Variants in CTNNAL1 observed in about 807,000 individuals in gnomAD.
The protein encoded by CTNNAL1 is catenin alpha like 1, also known as alpha-catulin.
CTNNAL1 carries 69 observed loss-of-function variants against 93.6 expected under a neutral mutation model. That is an observed-to-expected ratio of 0.74 (90% CI 0.61 to 0.90). The LOEUF (loss-of-function observed/expected upper bound fraction) is 0.90, where lower values mean the gene tolerates loss of function less well. Ranked by LOEUF, CTNNAL1 falls within the 40% of genes least tolerant of loss-of-function variation. The probability of loss-of-function intolerance (pLI) is 0.00; values close to 1 mark genes in which losing one functional copy is unlikely to be tolerated. For missense variants in CTNNAL1, 836 were observed against 862.0 expected (o/e 0.97, Z 0.38); for synonymous variants, 286 against 305.4 (o/e 0.94, Z 0.66).
chr9:108,972,851 G>T lies in CTNNAL1; in HGVS notation c.1189-18C>A, dbSNP rs1437350733. The T allele has an allele frequency of 2.9e-6, 4 of 1,380,064 alleles. No individual in the cohort carries two copies. Among genetic ancestry groups the T allele is most frequent in the Non-Finnish European group, 3.8e-6 (4 of 1,048,644 alleles). The allele number at this position is 1,380,064 out of a possible 1,614,324, so 85.5% of individuals were successfully genotyped here. The stretch of plus-strand genomic sequence containing the variant: ...CTATGAAGCTGCAGATGTGTGTGTG[G>T]GTGGGGGGGTGGGAGGGTGGAGAAG... On this transcript the variant is annotated intron_variant, in intron 8 of 18. Coordinates refer to ENST00000325551, the MANE Select transcript of CTNNAL1 (RefSeq NM_003798.4).
intron 1 of CTNNAL1, among the ~76,000 whole-genome samples, chr9:109,007,801 T>A (rs756161461): frequency 6.6e-6 from 1 of 152,212 alleles, no homozygotes; most frequent in Non-Finnish European, 1.5e-5. Flanking sequence ...CCATGTACTA[T>A]CTGGCTACTC....
At position 108,952,247 on chromosome 9, in the gene CTNNAL1, G is replaced by C; in HGVS notation, c.1797C>G (p.Asn599Lys). 4 of 1,613,774 alleles carry C rather than the reference G, an allele frequency of 2.5e-6. No homozygotes were observed. The South Asian group carries it at 4.4e-5, about 18-fold the overall frequency. The change falls in exon 14 of 19, where the codon AAC becomes AAG. Residue 599 changes from asparagine (N) to lysine (K), a missense_variant. Coordinates refer to ENST00000325551, the MANE Select transcript of CTNNAL1 (RefSeq NM_003798.4). ...ACAGAGAATAGGCCATACTGGACAT[G>C]TTCCGTCCATATTGAACAATCTCAT... ...QENEIVQYGR[N>K]MSSMAYSLYL...
At chr9:108,954,207 T>C (rs1412267539) in intron 12 of CTNNAL1, among the ~76,000 whole-genome samples, 1 of 152,146 alleles carries the variant, frequency 6.6e-6, no homozygotes, top group Non-Finnish European at 1.5e-5. Context: ...GTCAGATTCA[T>C]TCGTTTCAGT....
Position 108,990,757 on chromosome 9 carries a change from T to G in CTNNAL1, c.608A>C (p.Glu203Ala). 6.2e-7 allele frequency: 1 copy of G among 1,613,672 alleles called. No individual in the cohort carries two copies. Among genetic ancestry groups the G allele is most frequent in the Non-Finnish European group, 8.5e-7 (1 of 1,179,868 alleles). Residue 203 changes from glutamate to alanine, a missense_variant, in exon 4 of 19, where the codon GAG (glutamate) becomes GCG (alanine). Transcript: ENST00000325551. ...IFSQFGNEMV[E>A]FAHLSGDRQN... is the part of the protein sequence containing the mutation. ...TCTATCTCCACTCAGATGTGCAAAC[T>G]CCACCATTTCATTTCCAAATTGACT...
chr9:108,992,667 C>T lies in CTNNAL1; in HGVS notation c.484G>A (p.Val162Ile). Residue 162 changes from valine to isoleucine, a missense_variant, in exon 3 of 19, where the codon GTA (valine) becomes ATA (isoleucine). By Grantham distance (29) the Val-to-Ile change is conservative. Transcript: ENST00000325551. ...GATGTTATTATCTGTTTAATGACTA[C>T]TCGGTCTGCCAGCAACAACACTTTT... ...VTKVLLLADR[V>I]VIKQIITSRN... 1.9e-6 allele frequency: 3 copies of T among 1,613,574 alleles called. No homozygotes were observed. Among genetic ancestry groups the T allele is most frequent in the Non-Finnish European group, 2.5e-6 (3 of 1,179,758 alleles).
chr9:108,976,873 C>A (rs532267261), intron 8 of CTNNAL1, 89 bp downstream of exon 8: 116 of 536,254 alleles, frequency 2.2e-4, no homozygotes, highest in Middle Eastern at 8.0e-4. Context: ...GGCACAGAGA[C>A]ATACTAATAA....
chr9:108,978,053 G>T (rs1443527941), intron 7 of CTNNAL1, among the ~76,000 whole-genome samples: 1 of 152,186 alleles, frequency 6.6e-6, no homozygotes, highest in Non-Finnish European at 1.5e-5. Context: ...AAATATGCAC[G>T]GGTAAATTTG....
chr9:108,952,398 T>C (rs1830587570), intron 13 of CTNNAL1, 35 bp from the exon 14 acceptor site: 2 of 1,614,098 alleles, frequency 1.2e-6, no homozygotes, highest in Admixed American at 3.3e-5. Flanking sequence ...AACGACTTTA[T>C]CACTATTCAT....
chr9:108,978,322 A>T (rs1021372514), intron 7 of CTNNAL1, among the ~76,000 whole-genome samples: 1 of 152,226 alleles, frequency 6.6e-6, no homozygotes, highest in Admixed American at 6.5e-5. Flanking sequence ...ATGCCAAGAA[A>T]ACATCAGAGA....
Position 108,976,965 on chromosome 9 carries a change from T to C in CTNNAL1, c.1185A>G (p.Lys395=), listed in dbSNP as rs547110590. Residue 395 remains lysine, a synonymous_variant, in exon 8 of 19, where the codon AAA becomes AAG. Transcript: ENST00000325551. Reference sequence around the variant, plus strand: ...CTAAATTTCAAACTATACTTACTTCTTTCTTAAGTTCATTAAGACTGTGAC... The same window carrying C: ...CTAAATTTCAAACTATACTTACTTCCTTCTTAAGTTCATTAAGACTGTGAC... ...KISHSLNELK[K]ELHSTATQLA... 220 of 1,381,902 alleles carry C rather than the reference T, an allele frequency of 1.6e-4. 4 individuals are homozygous for C. The South Asian group carries it at 2.8e-3, about 17-fold the overall frequency. 85.6% of individuals were successfully genotyped at this position (1,381,902 alleles called of 1,614,324 possible).
chr9:108,982,430 G>T (rs112262675), intron 6 of CTNNAL1, among the ~76,000 whole-genome samples: 1 of 152,062 alleles, frequency 6.6e-6, no homozygotes, highest in Admixed American at 6.6e-5. Context: ...TAGTCTCAAA[G>T]TACCAACCCT....
chr9:108,983,309 G>C lies in CTNNAL1; in HGVS notation c.736C>G (p.Leu246Val), dbSNP rs1241491520. 6.6e-7 allele frequency: 1 copy of C among 1,517,910 alleles called. No individual in the cohort carries two copies. The highest frequency in any genetic ancestry group is 8.8e-7 in the Non-Finnish European group (1 of 1,136,356). 94.0% of individuals were successfully genotyped at this position (1,517,910 alleles called of 1,614,324 possible). ...MMLLTASKTC[L>V]RHPNCESAHK... ...GCTGATTCGCAGTTAGGATGCCTCAGACATGTCTTCAAAACAATTGAAAAT... is the reference window on the plus strand; with the variant it reads ...GCTGATTCGCAGTTAGGATGCCTCACACATGTCTTCAAAACAATTGAAAAT... Residue 246 changes from leucine (L) to valine (V), a missense_variant, in exon 6 of 19, where the codon CTG (leucine) becomes GTG (valine). Coordinates refer to ENST00000325551, the MANE Select transcript of CTNNAL1 (RefSeq NM_003798.4).
intron 9 of CTNNAL1, among the ~76,000 whole-genome samples, chr9:108,972,149 C>T (rs895758215): frequency 2.0e-5 from 3 of 152,112 alleles, no homozygotes; most frequent in Non-Finnish European, 2.9e-5. Flanking sequence ...AATCACAAAC[C>T]TCTCAAGGCA....
At chr9:108,972,865 A>AGGGGGG in intron 8 of CTNNAL1, 32 bp from the exon 9 acceptor site, 1 of 219,282 alleles carries the variant, frequency 4.6e-6, no homozygotes, top group Non-Finnish European at 6.2e-6. Context: ...GGGGGGTGGG[A>AGGGGGG]GGGTGGAGAA....
intron 10 of CTNNAL1, among the ~76,000 whole-genome samples, chr9:108,969,091 G>A (rs1249735285): frequency 1.3e-5 from 2 of 151,950 alleles, no homozygotes; most frequent in Admixed American, 6.6e-5. Flanking sequence ...CCAACATGGT[G>A]AAACCCTGTC....
intron 6 of CTNNAL1, among the ~76,000 whole-genome samples, chr9:108,982,196 C>G (rs1831452339): frequency 6.6e-6 from 1 of 152,162 alleles, no homozygotes; most frequent in Admixed American, 6.5e-5. Flanking sequence ...TGCCTAGTTT[C>G]AAATCCCAAC....
At chr9:108,987,621 G>T (rs1336973308) in intron 4 of CTNNAL1, among the ~76,000 whole-genome samples, 3 of 152,064 alleles carry the variant, frequency 2.0e-5, no homozygotes, top group African/African-American at 4.8e-5. Context: ...ACCTTGGGCA[G>T]TATGGCCATT....
chr9:108,949,168 T>A (rs893672280), intron 14 of CTNNAL1, among the ~76,000 whole-genome samples: 2 of 152,170 alleles, frequency 1.3e-5, no homozygotes, highest in Non-Finnish European at 2.9e-5. Flanking sequence ...CCAGGAAAAC[T>A]GCTACAAGGT....
intron 8 of CTNNAL1, 31 bp from the exon 9 acceptor site, chr9:108,972,864 G>GGCCCC: frequency 3.5e-5 from 5 of 142,566 alleles, no homozygotes; most frequent in Non-Finnish European, 5.0e-5. Context: ...GGGGGGGTGG[G>GGCCCC]AGGGTGGAGA....
Sources: gnomAD v4.1 joint callset for allele counts (sites outside exome capture counted in the v4.1 genomes callset) on GRCh38, gnomAD v4.1.1 for gene constraint, MANE v1.5 for transcripts, NCBI Gene and HGNC (gene_info 2026-07-23, HGNC 2026-07-21) for gene names.